The following ABCA10 variants were observed in gnomAD, a reference collection of about 807,000 sequenced individuals.
ABCA10 encodes ATP-binding cassette sub-family A member 10.
In ABCA10, 169 loss-of-function variants were observed where a neutral mutation model predicts 187.5. The ratio of observed to expected loss-of-function variants is 0.90; its 90% CI spans 0.80 to 1.02. The LOEUF is 1.02. ABCA10 is among the 50% of genes least tolerant of loss of function. The probability of loss-of-function intolerance (pLI) is 0.00; values close to 1 mark genes in which losing one functional copy is unlikely to be tolerated. For missense variants in ABCA10, 1,727 were observed against 1,812.4 expected (o/e 0.95, Z 0.86); for synonymous variants, 574 against 601.8 (o/e 0.95, Z 0.68).
At chr17:69,211,669 T>C (rs1406744806) in intron 9 of ABCA10, among the ~76,000 whole-genome samples, 1 of 152,046 alleles carries the variant, frequency 6.6e-6, no homozygotes, top group East Asian at 1.9e-4. Flanking sequence ...CTGCTTGTTA[T>C]TGGTCTGTTC....
At chr17:69,233,799 G>T (rs372079937), upstream of ABCA10, 1 of 152,204 alleles carries the variant, frequency 6.6e-6, no homozygotes, top group African/African-American at 2.4e-5. Flanking sequence ...AGCATTAAAG[G>T]GCATGCTAAG....
In ABCA10 at chr17:69,167,929, CCTTCCACCT is replaced by C. The variant is rs369833012; in HGVS notation, c.3163-2855_3163-2847del. Reference sequence around the variant, plus strand: ...ATGTGTGTCTGTCTCTCCCGCCTCCCCTTCCACCTCTTCCACCTCTTTCACCTCTGACAC... The same window carrying C: ...ATGTGTGTCTGTCTCTCCCGCCTCCCCTTCCACCTCTTTCACCTCTGACAC... On this transcript the variant is annotated intron_variant, in intron 25 of 38. Transcript: ENST00000690296. Among the ~76,000 whole-genome samples the C allele has an allele frequency of 4.1e-3, 630 of 152,164 alleles. 4 individuals are homozygous for C. The highest frequency in any genetic ancestry group is 0.014 in the African/African-American group (590 of 41,512).
intron 22 of ABCA10, 182 bp from the exon 23 acceptor site, chr17:69,175,695 G>A (rs2074329487): frequency 6.6e-6 from 3 of 457,650 alleles, no homozygotes; most frequent in Non-Finnish European, 7.7e-6. Context: ...GGAACAGCAT[G>A]ATATAAAAGA....
chr17:69,216,212 C>A lies in ABCA10; in HGVS notation c.672+5G>T. ...TTAAGAGGTAATATGCTTTTACCAA[C>A]TCACCAAAGAAAGGCCATATAAGCT... On this transcript the variant is annotated splice_donor_5th_base_variant and intron_variant, in intron 7 of 38. Transcript: ENST00000690296. The A allele has an allele frequency of 6.2e-7, 1 of 1,605,678 alleles. No individual in the cohort carries two copies. The highest frequency in any genetic ancestry group is 1.7e-5 in the Admixed American group (1 of 58,290).
chr17:69,229,361 T>C (rs1426254102), upstream of ABCA10, among the ~76,000 whole-genome samples: 1 of 152,004 alleles, frequency 6.6e-6, no homozygotes, highest in Non-Finnish European at 1.5e-5. Context: ...ACTATGAAAA[T>C]GGTGCTAATC....
chr17:69,164,193 C>A, intron 26 of ABCA10, 39 bp from the exon 27 acceptor site: 1 of 1,510,782 alleles, frequency 6.6e-7, no homozygotes, highest in South Asian at 1.3e-5. Flanking sequence ...GCAAGTTTCT[C>A]TATAAATATA....
chr17:69,208,880 A>T (rs1018502145), intron 9 of ABCA10, among the ~76,000 whole-genome samples: 6 of 152,098 alleles, frequency 3.9e-5, no homozygotes, highest in South Asian at 2.1e-4. Context: ...CTACAAAAAA[A>T]TTTTTAAAAA....
At chr17:69,216,673 T>C (rs1174212981) in intron 6 of ABCA10, among the ~76,000 whole-genome samples, 2 of 152,090 alleles carry the variant, frequency 1.3e-5, no homozygotes, top group Non-Finnish European at 2.9e-5. Flanking sequence ...GTAGAACAAA[T>C]TTTATATTTA....
At chr17:69,182,944 G>C in intron 20 of ABCA10, 136 bp from the exon 21 acceptor site, 2 of 1,068,786 alleles carry the variant, frequency 1.9e-6, no homozygotes, top group Non-Finnish European at 2.7e-6. Context: ...TTGCTCTTTA[G>C]GAGTACAATA....
intron 9 of ABCA10, among the ~76,000 whole-genome samples, chr17:69,210,177 T>C (rs1253072584): frequency 2.2e-5 from 2 of 89,928 alleles, no homozygotes; most frequent in Non-Finnish European, 4.1e-5. Flanking sequence ...TTTCTTTTTT[T>C]TTTTTTTTTT....
At chr17:69,208,763 A>C (rs918294105) in intron 9 of ABCA10, among the ~76,000 whole-genome samples, 1 of 152,174 alleles carries the variant, frequency 6.6e-6, no homozygotes, top group Non-Finnish European at 1.5e-5. Flanking sequence ...GATGCCAGGC[A>C]CAGTGGCTCA....
At chr17:69,230,889 C>A (rs1704021900), upstream of ABCA10, among the ~76,000 whole-genome samples, 1 of 152,094 alleles carries the variant, frequency 6.6e-6, no homozygotes, top group South Asian at 2.1e-4. Flanking sequence ...TCTCTTCTCT[C>A]CTTCCATCTT....
chr17:69,215,921 A>C lies in ABCA10; in HGVS notation c.752T>G (p.Phe251Cys). Residue 251 changes from phenylalanine (F) to cysteine (C), a missense_variant, in exon 8 of 39, where the codon TTT becomes TGT. By Grantham distance (205) the Phe-to-Cys change is radical (BLOSUM62 -2). Transcript: ENST00000690296. ...AGLAGFLFTV[F>C]WGCLGFTVLY... ...CACAGTGAATCCCAGACATCCCCAA[A>C]ATACAGTGAAGAGAAATCCAGCCAA... is the stretch of plus-strand genomic sequence containing the variant. 1 of 1,613,988 alleles carries C rather than the reference A, an allele frequency of 6.2e-7. No individual in the cohort carries two copies. The highest frequency in any genetic ancestry group is 8.5e-7 in the Non-Finnish European group (1 of 1,179,950).
intron 9 of ABCA10, among the ~76,000 whole-genome samples, chr17:69,203,113 GAA>G (rs1366663756): frequency 6.6e-6 from 1 of 152,150 alleles, no homozygotes; most frequent in Non-Finnish European, 1.5e-5. Flanking sequence ...GGAAAGAATG[GAA>G]AAGTTATAGA....
At chr17:69,175,959 C>A (rs1003295148) in intron 22 of ABCA10, among the ~76,000 whole-genome samples, 1 of 152,106 alleles carries the variant, frequency 6.6e-6, no homozygotes, top group Non-Finnish European at 1.5e-5. Flanking sequence ...TCATGCTACT[C>A]AGAACAGCAT....
rs781425052 is a variant in ABCA10, at chr17:69,191,288, T to C, written c.1899A>G (p.Thr633=). ...LSLHRNEMCD[T]EKITSLIKQH... is the part of the protein sequence containing the mutation. ...GCTTAATAAGGGATGTGATTTTTTC[T>C]GTGTCACACATTTCATTCCTGTGTA... Residue 633 remains threonine (T), a synonymous_variant, in exon 17 of 39, where the codon ACA becomes ACG. Coordinates refer to ENST00000690296, the MANE Select transcript of ABCA10 (RefSeq NM_001377321.1). The C allele has an allele frequency of 5.6e-6, 9 of 1,595,140 alleles. No individual in the cohort carries two copies. The highest frequency in any genetic ancestry group is 2.3e-5 in the East Asian group (1 of 44,230).
chr17:69,180,311 T>G (rs1332481097), intron 22 of ABCA10, among the ~76,000 whole-genome samples: 9 of 152,208 alleles, frequency 5.9e-5, no homozygotes, highest in Non-Finnish European at 2.9e-5. Context: ...ATAGAGCTTC[T>G]GCTCCGTGCA....
intron 10 of ABCA10, among the ~76,000 whole-genome samples, chr17:69,201,056 T>C (rs1047896502): frequency 2.6e-5 from 4 of 152,216 alleles, no homozygotes; most frequent in Non-Finnish European, 4.4e-5. Context: ...AGCTAGATCA[T>C]ATAGTTTAAC....
chr17:69,238,358 G>C (rs968621829), intron 1 of ABCA10, among the ~76,000 whole-genome samples: 5 of 151,950 alleles, frequency 3.3e-5, no homozygotes, highest in African/African-American at 1.2e-4. Flanking sequence ...AGCAGCCCTA[G>C]AAAACTAGTA....
Sources: allele counts gnomAD v4.1 joint callset (sites outside exome capture counted in the v4.1 genomes callset), GRCh38; gene constraint gnomAD v4.1.1; transcripts MANE v1.5; gene names NCBI Gene and HGNC (gene_info 2026-07-23, HGNC 2026-07-21).